ZNF804B: variants seen among roughly 807,000 people sequenced by gnomAD.
ZNF804B encodes the protein zinc finger 804B.
ZNF804B carries 80 observed loss-of-function variants against 101.4 expected under a neutral mutation model. The observed-to-expected ratio is 0.79, with a 90% CI of 0.66 to 0.95. ZNF804B has a LOEUF of 0.95. Ranked by LOEUF, ZNF804B falls within the 40% of genes least tolerant of loss-of-function variation. The pLI is 0.00. For missense variants in ZNF804B, 1,673 were observed against 1,561.9 expected (o/e 1.07, Z -1.20); for synonymous variants, 622 against 558.8 (o/e 1.11, Z -1.59).
intron 1 of ZNF804B, among the ~76,000 whole-genome samples, chr7:89,034,986 CA>C (rs1198356240): frequency 2.0e-5 from 3 of 152,116 alleles, no homozygotes; most frequent in Admixed American, 2.0e-4. Context: ...GAGGAAACTG[CA>C]GTGTGAATTT....
chr7:89,254,399 T>G (rs1789593030), intron 2 of ZNF804B, among the ~76,000 whole-genome samples: 1 of 151,500 alleles, frequency 6.6e-6, no homozygotes, highest in South Asian at 2.1e-4. Context: ...TACCATAAGA[T>G]GAGTAAATCC....
intron 1 of ZNF804B, among the ~76,000 whole-genome samples, chr7:88,984,927 T>C (rs2116140802): frequency 6.6e-6 from 1 of 152,142 alleles, no homozygotes; most frequent in East Asian, 1.9e-4. Context: ...GCCTTGGACT[T>C]ACCTTACACT....
chr7:88,916,850 G>A (rs1273874440), intron 1 of ZNF804B, among the ~76,000 whole-genome samples: 1 of 152,016 alleles, frequency 6.6e-6, no homozygotes, highest in African/African-American at 2.4e-5. Context: ...TTGTCTTAAG[G>A]TTATATATGT....
chr7:89,002,093 G>A (rs921601067), intron 1 of ZNF804B, among the ~76,000 whole-genome samples: 6 of 151,406 alleles, frequency 4.0e-5, no homozygotes, highest in Non-Finnish European at 7.4e-5. Flanking sequence ...AAATGTGTGA[G>A]TAATATTATA....
At chr7:88,813,591 A>G (rs1335371070) in intron 1 of ZNF804B, among the ~76,000 whole-genome samples, 2 of 152,138 alleles carry the variant, frequency 1.3e-5, no homozygotes, top group African/African-American at 4.8e-5. Flanking sequence ...TTTTCTCGCT[A>G]CTAATATATG....
chr7:89,007,624 AATAT>A (rs1407043969), intron 1 of ZNF804B, among the ~76,000 whole-genome samples: 2 of 142,574 alleles, frequency 1.4e-5, no homozygotes, highest in Non-Finnish European at 3.0e-5. Flanking sequence ...TATATTTATA[AATAT>A]ATATATTTTT....
At chr7:88,800,692 T>TTGTGTG (rs6150209) in intron 1 of ZNF804B, among the ~76,000 whole-genome samples, 4,553 of 146,650 alleles carry the variant, frequency 0.031, 75 homozygotes, top group South Asian at 0.086. Flanking sequence ...TAGATATGAT[T>TTGTGTG]TGTGTGTGTG....
chr7:88,873,295 TTG>T (rs1562819025), intron 1 of ZNF804B, among the ~76,000 whole-genome samples: 2 of 152,234 alleles, frequency 1.3e-5, no homozygotes, highest in Non-Finnish European at 2.9e-5. Context: ...TTCATGTCCT[TTG>T]CACACTTTTT....
chr7:88,807,819 T>C (rs1790715660), intron 1 of ZNF804B, among the ~76,000 whole-genome samples: 1 of 152,208 alleles, frequency 6.6e-6, no homozygotes, highest in Admixed American at 6.5e-5. Flanking sequence ...CATAATCAAG[T>C]CTATTTTACC....
chr7:88,891,071 T>C (rs750625438), intron 1 of ZNF804B, among the ~76,000 whole-genome samples: 3 of 152,138 alleles, frequency 2.0e-5, no homozygotes, highest in South Asian at 2.1e-4. Context: ...TTTACTGATA[T>C]ACCCCTACCA....
intron 1 of ZNF804B, among the ~76,000 whole-genome samples, chr7:89,072,891 G>T (rs1467811897): frequency 6.6e-6 from 1 of 151,904 alleles, no homozygotes. Flanking sequence ...AGATATATGA[G>T]AGCTCAGAAA....
At chr7:89,127,040 A>T (rs368299774) in intron 1 of ZNF804B, among the ~76,000 whole-genome samples, 70 of 152,074 alleles carry the variant, frequency 4.6e-4, no homozygotes, top group Admixed American at 3.0e-3. Flanking sequence ...AATGATAATG[A>T]TCATGACTCC....
At position 89,218,186 on chromosome 7, in the gene ZNF804B, C is replaced by T. The variant is rs1412669754; in HGVS notation, c.140C>T (p.Ala47Val). Residue 47 changes from alanine to valine, a missense_variant, in exon 2 of 4, where the codon GCC becomes GTC. Physicochemically the swap from Ala to Val is moderately conservative, Grantham distance 64. Coordinates refer to ENST00000333190, the MANE Select transcript of ZNF804B (RefSeq NM_181646.5). ...DFAEKKSTAK[A>V]LEDVKANFYC... ...GCAGAAAAGAAGTCCACAGCAAAGG[C>T]CCTGGAAGATGTAAAGGCAAACTTT... 1.1e-5 allele frequency: 18 copies of T among 1,613,546 alleles called. No homozygotes were observed. The highest frequency in any genetic ancestry group is 1.5e-5 in the Non-Finnish European group (18 of 1,179,718).
intron 1 of ZNF804B, among the ~76,000 whole-genome samples, chr7:88,811,811 A>G (rs7808887): frequency 0.55 from 83,124 of 151,700 alleles, 26,507 homozygotes; most frequent in African/African-American, 0.86. Context: ...AACACACACT[A>G]GGGCCTGTGA....
chr7:89,245,754 G>A (rs1171452287), intron 2 of ZNF804B, among the ~76,000 whole-genome samples: 1 of 152,160 alleles, frequency 6.6e-6, no homozygotes, highest in Non-Finnish European at 1.5e-5. Flanking sequence ...CCAGAATAAT[G>A]AAGGACACCC....
At chr7:88,936,445 T>G (rs1348223255) in intron 1 of ZNF804B, among the ~76,000 whole-genome samples, 5 of 152,002 alleles carry the variant, frequency 3.3e-5, no homozygotes, top group Non-Finnish European at 5.9e-5. Context: ...ATCTAAGACT[T>G]GAAGGGCCAG....
At chr7:89,207,067 A>G (rs1295887143) in intron 1 of ZNF804B, among the ~76,000 whole-genome samples, 1 of 152,180 alleles carries the variant, frequency 6.6e-6, no homozygotes, top group African/African-American at 2.4e-5. Context: ...AGTCTCTAGA[A>G]AGTTCCATAC....
At chr7:88,791,424 T>C (rs937119737) in intron 1 of ZNF804B, among the ~76,000 whole-genome samples, 1 of 152,180 alleles carries the variant, frequency 6.6e-6, no homozygotes, top group Non-Finnish European at 1.5e-5. Flanking sequence ...TGAGCCTTCA[T>C]GAATTCTTTA....
Position 88,759,844 on chromosome 7 carries a change from G to C in ZNF804B, c.-133G>C. ...CGCGGAGCAGGGACGCGCTGCCACC[G>C]CCTCCCCCTGCGTCCTGCTGGCCGC... On this transcript the variant is annotated 5_prime_UTR_variant, in exon 1 of 4. Transcript: ENST00000333190. 1.4e-6 allele frequency: 1 copy of C among 691,394 alleles called. No individual in the cohort carries two copies. Among genetic ancestry groups the C allele is most frequent in the South Asian group, 1.7e-5 (1 of 59,416 alleles). The allele number at this position is 691,394 out of a possible 1,614,324, so 42.8% of individuals were successfully genotyped here. A position where few individuals can be genotyped will look rare whatever the true frequency, so the allele number is the denominator to read the frequency against.
Sources: gnomAD v4.1 joint callset for allele counts (sites outside exome capture counted in the v4.1 genomes callset) on GRCh38, gnomAD v4.1.1 for gene constraint, MANE v1.5 for transcripts, NCBI Gene and HGNC (gene_info 2026-07-23, HGNC 2026-07-21) for gene names.